Variants in TPP2 observed in about 807,000 individuals in gnomAD.
TPP2 encodes the protein tripeptidyl peptidase 2.
A neutral mutation model predicts 155.9 loss-of-function variants in TPP2; 34 were observed. The ratio of observed to expected loss-of-function variants is 0.22; its 90% confidence interval spans 0.17 to 0.29. TPP2 has a LOEUF of 0.29. Ranked by LOEUF, TPP2 falls within the 10% of genes least tolerant of loss-of-function variation. The pLI is 1.00. For missense variants in TPP2, 1,028 were observed against 1,522.3 expected, an observed-to-expected ratio of 0.68 and a Z score of 5.40; for synonymous variants, 510 against 529.4, an observed-to-expected ratio of 0.96 and a Z score of 0.50.
At chr13:102,617,165 T>C (rs566436182) in intron 4 of TPP2, among the ~76,000 whole-genome samples, 25 of 152,184 alleles carry the variant, frequency 1.6e-4, no homozygotes, top group African/African-American at 5.3e-4. Context: ...ACGCCCACCT[T>C]GGCCTCCCAA....
intron 27 of TPP2, among the ~76,000 whole-genome samples, chr13:102,666,973 C>G (rs1884648654): frequency 6.6e-6 from 1 of 151,972 alleles, no homozygotes; most frequent in Admixed American, 6.6e-5. Context: ...TATTTCTCTC[C>G]AGGCCTTTGC....
intron 11 of TPP2, 43 bp downstream of exon 11, chr13:102,634,141 ATTTTTGTTT>A: frequency 6.2e-7 from 1 of 1,606,756 alleles, no homozygotes; most frequent in African/African-American, 1.3e-5. Context: ...GCAGACCAAT[ATTTTTGTTT>A]TCTGAAGCTC....
At chr13:102,616,567 C>A in intron 4 of TPP2, 67 bp downstream of exon 4, 1 of 1,260,864 alleles carries the variant, frequency 7.9e-7, no homozygotes. Context: ...TTCTACAGAA[C>A]TAATAGACTG....
At chr13:102,662,561 A>G (rs563113328) in intron 25 of TPP2, among the ~76,000 whole-genome samples, 1 of 152,244 alleles carries the variant, frequency 6.6e-6, no homozygotes, top group Non-Finnish European at 1.5e-5. Flanking sequence ...ATGTAAAACG[A>G]AAGTGTTGAT....
chr13:102,630,623 A>T (rs983961066), intron 10 of TPP2, among the ~76,000 whole-genome samples: 11 of 152,192 alleles, frequency 7.2e-5, no homozygotes, highest in Non-Finnish European at 1.5e-5. Context: ...GTTATAACTT[A>T]CTTTGAGCAA....
Position 102,655,859 on chromosome 13 carries a change from T to C in TPP2, c.2992-1197T>C, listed in dbSNP as rs574040168. ...ATCATTTTCTCTTTCTTCTTGGTGG[T>C]TTTTCCTCAAGGCTTCCGTGATCCC... On this transcript the variant is annotated intron_variant, in intron 24 of 29. Transcript: ENST00000376052. Among the ~76,000 whole-genome samples the C allele has an allele frequency of 2.0e-3, 303 of 152,156 alleles. 1 individual carries two copies. Among genetic ancestry groups the C allele is most frequent in the African/African-American group, 6.7e-3 (277 of 41,508 alleles).
intron 17 of TPP2, among the ~76,000 whole-genome samples, chr13:102,643,785 T>C (rs1479469053): frequency 6.6e-6 from 1 of 152,234 alleles, no homozygotes; most frequent in Admixed American, 6.5e-5. Context: ...TACTGCTTCA[T>C]GTCTAAGTTA....
At chr13:102,610,418 C>G (rs994251902) in intron 2 of TPP2, among the ~76,000 whole-genome samples, 1 of 152,048 alleles carries the variant, frequency 6.6e-6, no homozygotes, top group African/African-American at 2.4e-5. Context: ...TTAGTAGAGA[C>G]TGGGTTTCAC....
At chr13:102,672,957 A>G (rs646770) in intron 27 of TPP2, among the ~76,000 whole-genome samples, 98,609 of 152,146 alleles carry the variant, frequency 0.65, 32,268 homozygotes, top group Non-Finnish European at 0.69. Flanking sequence ...TTTCATTTAC[A>G]TTGCAAATGT....
Position 102,642,421 on chromosome 13 carries a change from A to G in TPP2, c.2021-801A>G, listed in dbSNP as rs143186528. On this transcript the variant is annotated intron_variant, in intron 16 of 29. Transcript: ENST00000376052. ...TTATGATTGGTTTAGGTTGGTATTG[A>G]AAATAATTTGTTTTTTTAAATAAAA... is the stretch of plus-strand genomic sequence containing the variant. 1.1e-3 allele frequency among the ~76,000 whole-genome samples: 163 copies of G among 152,264 alleles called. 1 individual carries two copies. Among genetic ancestry groups the G allele is most frequent in the African/African-American group, 3.4e-3 (143 of 41,546 alleles).
Position 102,664,829 on chromosome 13 carries a change from C to T in TPP2, c.3275C>T (p.Ala1092Val), listed in dbSNP as rs1163453812. 9 of 1,613,080 alleles carry T rather than the reference C, an allele frequency of 5.6e-6. No individual in the cohort carries two copies. The highest frequency in any genetic ancestry group is 1.3e-5 in the African/African-American group (1 of 74,860). Residue 1092 changes from alanine to valine, a missense_variant, in exon 27 of 30, where the codon GCG becomes GTG. Around this residue, in one of 7 missense-constraint regions of TPP2, gnomAD observed 179 missense variants for 274.7 expected, o/e 0.65. Transcript: ENST00000376052. ...AAAAGACTTAATGAAATTGTTGATGCGGCAAATGCTGTTATTTCTCATATA... is the reference window on the plus strand; with the variant it reads ...AAAAGACTTAATGAAATTGTTGATGTGGCAAATGCTGTTATTTCTCATATA... ...RMKRLNEIVD[A>V]ANAVISHIDQ...
In TPP2 at chr13:102,644,657, C is replaced by A. The variant is rs2139532290; in HGVS notation, c.2276C>A (p.Ala759Asp). ...TCTTTCCATGGGATAGTGTGTACTG[C>A]TCCTCAGTTAAACATTGTAAGTTCC... ...TISFHGIVCT[A>D]PQLNIHASEG... The change falls in exon 18 of 30, where the codon GCT becomes GAT. Residue 759 changes from alanine to aspartate, a missense_variant. Physicochemically the swap from Ala to Asp is moderately radical, Grantham distance 126. Coordinates refer to ENST00000376052, the MANE Select transcript of TPP2 (RefSeq NM_001330588.2). 1 of 1,605,938 alleles carries A rather than the reference C, an allele frequency of 6.2e-7. No individual in the cohort carries two copies. The highest frequency in any genetic ancestry group is 2.2e-5 in the East Asian group (1 of 44,828).
intron 25 of TPP2, among the ~76,000 whole-genome samples, 185 bp downstream of exon 25, chr13:102,657,392 A>G (rs1883929295): frequency 6.6e-6 from 1 of 151,646 alleles, no homozygotes; most frequent in African/African-American, 2.4e-5. Flanking sequence ...TAAATATATA[A>G]TTTTGTGATT....
chr13:102,597,163 T>C lies in TPP2; in HGVS notation c.125T>C (p.Val42Ala). The C allele has an allele frequency of 6.3e-7, 1 of 1,588,948 alleles. No homozygotes were observed. Among genetic ancestry groups the C allele is most frequent in the South Asian group, 1.1e-5 (1 of 89,440 alleles). Residue 42 changes from valine (V) to alanine (A), a missense_variant, in exon 1 of 30, where the codon GTC becomes GCC. Coordinates refer to ENST00000376052, the MANE Select transcript of TPP2 (RefSeq NM_001330588.2). ...GATGGGCGGGGGGTGCTCATCGCAG[T>C]CCTGGACACGGGGGTCGACCCGGGG... ...EYDGRGVLIA[V>A]LDTGVDPGAP...
intron 28 of TPP2, among the ~76,000 whole-genome samples, chr13:102,675,895 G>A (rs1885255178): frequency 6.6e-6 from 1 of 152,052 alleles, no homozygotes; most frequent in Admixed American, 6.5e-5. Context: ...GTAAAAACTT[G>A]TACCAAAGAA....
At chr13:102,640,511 G>A (rs1882683098) in intron 16 of TPP2, 135 bp downstream of exon 16, 1 of 649,076 alleles carries the variant, frequency 1.5e-6, no homozygotes, top group Admixed American at 2.9e-5. Context: ...TAGACTTTCT[G>A]TAAAGTTCAA....
intron 2 of TPP2, among the ~76,000 whole-genome samples, chr13:102,609,018 T>A (rs938790350): frequency 3.9e-5 from 6 of 152,130 alleles, no homozygotes; most frequent in African/African-American, 1.4e-4. Context: ...TCCCTCAGGA[T>A]GCCCAGTTAC....
Position 102,600,302 on chromosome 13 carries a change from A to G in TPP2, c.165+3099A>G, listed in dbSNP as rs190425989. ...TTCCGTCAGGCTTCTACCATCCGTC[A>G]TCTGTAAACTCCTGCTTCATCCTTT... is the stretch of plus-strand genomic sequence containing the variant. On this transcript the variant is annotated intron_variant, in intron 1 of 29. Coordinates refer to ENST00000376052, the MANE Select transcript of TPP2 (RefSeq NM_001330588.2). 1.7e-3 allele frequency among the ~76,000 whole-genome samples: 253 copies of G among 152,238 alleles called. 1 individual carries two copies. Among genetic ancestry groups the G allele is most frequent in the African/African-American group, 5.5e-3 (228 of 41,532 alleles).
rs765603975 is a variant in TPP2 at position 102,644,947 on chromosome 13, C to T, written c.2331C>T (p.Ser777=). The T allele has an allele frequency of 1.2e-6, 2 of 1,613,856 alleles. No individual in the cohort carries two copies. The part of the protein sequence containing the change: ...SEGINRFDVQ[S]SLKYEDLAPC... ...GAATCAACCGCTTTGATGTTCAGTC[C>T]TCCTTGAAATACGAAGATCTGGCTC... Residue 777 remains serine (S), a synonymous_variant, in exon 19 of 30, where the codon TCC becomes TCT. Transcript: ENST00000376052.
Sources: gnomAD v4.1 joint callset for allele counts (sites outside exome capture counted in the v4.1 genomes callset) on GRCh38, gnomAD v4.1.1 for gene constraint, gnomAD v4.1.1 regional missense constraint, MANE v1.5 for transcripts, NCBI Gene and HGNC (gene_info 2026-07-23, HGNC 2026-07-21) for gene names.